The following SNTG1 variants were observed in gnomAD, a reference collection of about 807,000 sequenced individuals.
SNTG1 encodes the protein syntrophin gamma 1.
SNTG1 carries 39 observed loss-of-function variants against 74.7 expected under a neutral mutation model. The observed-to-expected ratio is 0.52, with a 90% CI of 0.40 to 0.68. The LOEUF (loss-of-function observed/expected upper bound fraction) is 0.68. Among genes scored for constraint, SNTG1 ranks in the 30% least tolerant of loss-of-function variants. The pLI is 0.00. For missense variants in SNTG1, 685 were observed against 609.5 expected, an observed-to-expected ratio of 1.12 and a Z score of -1.30; for synonymous variants, 254 against 217.1, an observed-to-expected ratio of 1.17 and a Z score of -1.49.
chr8:50,673,128 TC>T (rs1466802032), intron 15 of SNTG1, among the ~76,000 whole-genome samples: 6 of 152,216 alleles, frequency 3.9e-5, no homozygotes, highest in African/African-American at 1.2e-4. Context: ...CCAACTTCAT[TC>T]TTTTTCCTTA....
chr8:50,501,520 C>T lies in SNTG1; in HGVS notation c.364-1258C>T, dbSNP rs553371033. Among the ~76,000 whole-genome samples, 127 of 148,436 alleles carry T rather than the reference C, an allele frequency of 8.6e-4. 1 individual carries two copies. Among genetic ancestry groups the T allele is most frequent in the Non-Finnish European group, 1.6e-3 (109 of 67,338 alleles). Reference sequence around the variant, plus strand: ...GTGCGGTCTCAGCTCGCTGCAACCTCCGCCTCCCAGGTTCAAACGATTCTC... The same window carrying T: ...GTGCGGTCTCAGCTCGCTGCAACCTTCGCCTCCCAGGTTCAAACGATTCTC... On this transcript the variant is annotated intron_variant, in intron 8 of 18. Coordinates refer to ENST00000642720, the MANE Select transcript of SNTG1 (RefSeq NM_018967.5).
intron 1 of SNTG1, among the ~76,000 whole-genome samples, chr8:50,025,792 T>G (rs962191904): frequency 2.0e-5 from 3 of 152,232 alleles, no homozygotes; most frequent in African/African-American, 4.8e-5. Flanking sequence ...AAAATAACTT[T>G]CCTAATTGAT....
At chr8:50,653,478 C>T (rs1563697788) in intron 13 of SNTG1, among the ~76,000 whole-genome samples, 1 of 152,158 alleles carries the variant, frequency 6.6e-6, no homozygotes, top group Non-Finnish European at 1.5e-5. Context: ...ATTCTATTTA[C>T]CTGCTATATA....
chr8:50,292,024 G>A (rs148111634), intron 2 of SNTG1, among the ~76,000 whole-genome samples: 94 of 152,120 alleles, frequency 6.2e-4, no homozygotes, highest in Non-Finnish European at 1.2e-3. Flanking sequence ...TGTTTGGTTT[G>A]AAATGTCTAT....
chr8:50,043,315 T>C (rs755135858), intron 1 of SNTG1, among the ~76,000 whole-genome samples: 1 of 152,190 alleles, frequency 6.6e-6, no homozygotes, highest in Non-Finnish European at 1.5e-5. Flanking sequence ...AGAACCCAAA[T>C]GCTTCTGGAA....
chr8:50,718,051 C>A (rs41364346), intron 17 of SNTG1, among the ~76,000 whole-genome samples: 1 of 151,978 alleles, frequency 6.6e-6, no homozygotes, highest in African/African-American at 2.4e-5. Context: ...TGATGTTGAA[C>A]AAGTAGTCGT....
intron 15 of SNTG1, among the ~76,000 whole-genome samples, chr8:50,688,276 C>G (rs1338610118): frequency 6.6e-6 from 1 of 152,282 alleles, no homozygotes; most frequent in East Asian, 1.9e-4. Context: ...TCCCATTTGT[C>G]AATTTTGGCT....
chr8:49,997,628 G>A (rs960902166), intron 1 of SNTG1, among the ~76,000 whole-genome samples: 3 of 152,078 alleles, frequency 2.0e-5, no homozygotes, highest in Non-Finnish European at 2.9e-5. Context: ...GAGTATATTT[G>A]TCACAACTGA....
At chr8:49,994,323 T>C (rs1338046585) in intron 1 of SNTG1, among the ~76,000 whole-genome samples, 1 of 148,514 alleles carries the variant, frequency 6.7e-6, no homozygotes, top group Non-Finnish European at 1.5e-5. Flanking sequence ...TGGCCCAATC[T>C]CGGCTCACTG....
intron 15 of SNTG1, among the ~76,000 whole-genome samples, chr8:50,694,154 A>T (rs2095394386): frequency 6.6e-6 from 1 of 151,712 alleles, no homozygotes; most frequent in Non-Finnish European, 1.5e-5. Context: ...AAGGAAATGA[A>T]GTTTTTTTTT....
intron 2 of SNTG1, among the ~76,000 whole-genome samples, chr8:50,279,935 G>A (rs754993531): frequency 6.6e-6 from 1 of 152,198 alleles, no homozygotes; most frequent in Non-Finnish European, 1.5e-5. Flanking sequence ...TCTTCCTGGA[G>A]CAGAGAGGGA....
intron 9 of SNTG1, among the ~76,000 whole-genome samples, chr8:50,526,957 T>C (rs1238519283): frequency 6.6e-6 from 1 of 152,108 alleles, no homozygotes; most frequent in East Asian, 1.9e-4. Context: ...TCCCACTGTG[T>C]TCCCCAGAAA....
intron 1 of SNTG1, among the ~76,000 whole-genome samples, chr8:50,000,386 C>A (rs1055173808): frequency 1.3e-5 from 2 of 151,972 alleles, no homozygotes; most frequent in Admixed American, 6.6e-5. Context: ...GCTAGAAGTG[C>A]CTGTGTGTAT....
intron 2 of SNTG1, among the ~76,000 whole-genome samples, chr8:50,225,196 T>A (rs2085267407): frequency 6.6e-6 from 1 of 151,998 alleles, no homozygotes; most frequent in South Asian, 2.1e-4. Context: ...ATGGTCTTGA[T>A]CTCCTGACCT....
chr8:50,056,380 A>G (rs575213141), intron 1 of SNTG1, among the ~76,000 whole-genome samples: 3 of 152,256 alleles, frequency 2.0e-5, no homozygotes, highest in African/African-American at 2.4e-5. Flanking sequence ...CAAGGCTACA[A>G]TATCTTCCTC....
intron 8 of SNTG1, among the ~76,000 whole-genome samples, chr8:50,493,891 T>C (rs1193497952): frequency 6.6e-6 from 1 of 151,800 alleles, no homozygotes; most frequent in East Asian, 1.9e-4. Flanking sequence ...CTCCATTATT[T>C]TTCAACAAAT....
At chr8:50,722,434 C>T (rs1446412168) in intron 17 of SNTG1, among the ~76,000 whole-genome samples, 2 of 152,054 alleles carry the variant, frequency 1.3e-5, no homozygotes, top group Non-Finnish European at 2.9e-5. Flanking sequence ...CCTCAGCCTC[C>T]CAGTGTGCTG....
chr8:50,477,541 G>T (rs879543652), intron 8 of SNTG1, among the ~76,000 whole-genome samples: 1 of 152,112 alleles, frequency 6.6e-6, no homozygotes, highest in Admixed American at 6.5e-5. Context: ...AGCCTAAATA[G>T]ACAGAACAAC....
intron 1 of SNTG1, among the ~76,000 whole-genome samples, chr8:50,074,757 C>T (rs928906874): frequency 1.3e-5 from 2 of 152,206 alleles, no homozygotes; most frequent in African/African-American, 2.4e-5. Context: ...CCACTCTGGC[C>T]GCACTTGAGG....
Sources: allele counts gnomAD v4.1 joint callset (sites outside exome capture counted in the v4.1 genomes callset), GRCh38; gene constraint gnomAD v4.1.1; transcripts MANE v1.5; gene names NCBI Gene and HGNC (gene_info 2026-07-23, HGNC 2026-07-21).